Variants in GOLGA4 observed in about 807,000 individuals in gnomAD.
The protein encoded by GOLGA4 is golgin A4.
In GOLGA4, 169 loss-of-function variants were observed where a neutral mutation model predicts 265.9. That is an observed-to-expected ratio of 0.64 (90% CI 0.56 to 0.72). GOLGA4 has a LOEUF of 0.72. Ranked by LOEUF, GOLGA4 falls within the 30% of genes least tolerant of loss-of-function variation. GOLGA4 has a pLI of 0.00. For synonymous variants in GOLGA4, 923 were observed against 855.8 expected (o/e 1.08, Z -1.37); for missense variants, 2,482 against 2,483.4 (o/e 1.00, Z 0.01).
At chr3:37,298,248 A>G (rs761442597) in intron 7 of GOLGA4, among the ~76,000 whole-genome samples, 5 of 152,108 alleles carry the variant, frequency 3.3e-5, no homozygotes, top group Non-Finnish European at 7.4e-5. Flanking sequence ...CCAAGCATTC[A>G]CGGATCCGAG....
At chr3:37,254,059 A>G (rs2150609943) in intron 2 of GOLGA4, among the ~76,000 whole-genome samples, 1 of 152,144 alleles carries the variant, frequency 6.6e-6, no homozygotes, top group Non-Finnish European at 1.5e-5. Context: ...ATTCTGCACT[A>G]TTTTCAGTGT....
At chr3:37,294,299 A>G (rs988415771) in intron 5 of GOLGA4, among the ~76,000 whole-genome samples, 5 of 152,110 alleles carry the variant, frequency 3.3e-5, no homozygotes, top group African/African-American at 1.2e-4. Flanking sequence ...TCTGTTTGGT[A>G]TATAATAATT....
chr3:37,281,283 C>G (rs1312245653), intron 2 of GOLGA4, among the ~76,000 whole-genome samples: 8 of 152,216 alleles, frequency 5.3e-5, no homozygotes, highest in African/African-American at 1.9e-4. Context: ...TCAGACCTTT[C>G]AACTGTCCTC....
At chr3:37,265,117 TTGTGTGTGTGTGTG>T (rs35252934) in intron 2 of GOLGA4, among the ~76,000 whole-genome samples, 6 of 147,550 alleles carry the variant, frequency 4.1e-5, no homozygotes, top group African/African-American at 1.2e-4. Context: ...CATGCTCATA[TTGTGTGTGTGTGTG>T]TGTGTGTGTG....
chr3:37,266,928 GA>G (rs1422455102), intron 2 of GOLGA4: 1 of 1,278,470 alleles, frequency 7.8e-7, no homozygotes, highest in Non-Finnish European at 1.0e-6. Flanking sequence ...CTAAAACACA[GA>G]GTGACAGTGT....
rs778098889 is a variant in GOLGA4 at position 37,298,817 on chromosome 3, G to T, written c.815-16G>T. On this transcript the variant is annotated splice_polypyrimidine_tract_variant and intron_variant, in intron 7 of 23. Coordinates refer to ENST00000361924, the MANE Select transcript of GOLGA4 (RefSeq NM_002078.5). The stretch of plus-strand genomic sequence containing the variant: ...TTCCTTACTGATGGGCCCTTCTTAT[G>T]TTGCTTTATTGTTAGTGGAAGATGG... 3.8e-6 allele frequency: 6 copies of T among 1,575,286 alleles called. No homozygotes were observed. Among genetic ancestry groups the T allele is most frequent in the Admixed American group, 3.7e-5 (2 of 53,720 alleles).
intron 3 of GOLGA4, among the ~76,000 whole-genome samples, chr3:37,285,173 T>A (rs62666760): frequency 3.9e-4 from 29 of 73,644 alleles, no homozygotes; most frequent in South Asian, 2.8e-3. Context: ...TTTTTTTTTT[T>A]AAATTATAAT....
In GOLGA4 at chr3:37,325,696, A is replaced by G; in HGVS notation, c.3810A>G (p.Thr1270=). The G allele has an allele frequency of 6.2e-7, 1 of 1,613,790 alleles. No individual in the cohort carries two copies. Among genetic ancestry groups the G allele is most frequent in the Non-Finnish European group, 8.5e-7 (1 of 1,179,652 alleles). Residue 1270 remains threonine (T), a synonymous_variant, in exon 14 of 24, where the codon ACA becomes ACG. Coordinates refer to ENST00000361924, the MANE Select transcript of GOLGA4 (RefSeq NM_002078.5). ...AGGCACTGTTAATTAAAACTTGCAC[A>G]GTTTCTGAATTAGAAGCACAACTTA... The part of the protein sequence containing the change: ...VKEALLIKTC[T]VSELEAQLRQ...
intron 20 of GOLGA4, among the ~76,000 whole-genome samples, chr3:37,340,557 T>C (rs1199509879): frequency 6.6e-6 from 1 of 152,192 alleles, no homozygotes; most frequent in African/African-American, 2.4e-5. Flanking sequence ...ACAATAGATC[T>C]CTTGAACTTA....
chr3:37,262,891 A>G (rs2096773769), intron 2 of GOLGA4, among the ~76,000 whole-genome samples: 1 of 152,122 alleles, frequency 6.6e-6, no homozygotes, highest in South Asian at 2.1e-4. Flanking sequence ...CCATAAGATT[A>G]TAATGGAGTT....
At chr3:37,301,571 G>A (rs775318253) in intron 9 of GOLGA4, among the ~76,000 whole-genome samples, 1 of 152,172 alleles carries the variant, frequency 6.6e-6, no homozygotes, top group Non-Finnish European at 1.5e-5. Flanking sequence ...AAGACAGATA[G>A]CACATTTGTA....
intron 6 of GOLGA4, among the ~76,000 whole-genome samples, chr3:37,295,290 T>C (rs2096875207): frequency 6.6e-6 from 1 of 152,178 alleles, no homozygotes; most frequent in Non-Finnish European, 1.5e-5. Flanking sequence ...TGATCATAGC[T>C]TAACTGCAAT....
intron 1 of GOLGA4, among the ~76,000 whole-genome samples, chr3:37,246,915 A>T (rs61283571): frequency 6.3e-4 from 96 of 152,296 alleles, no homozygotes; most frequent in African/African-American, 2.0e-3. Flanking sequence ...TGTGATATAA[A>T]TTTAAAAAAT....
At chr3:37,346,564 T>G (rs2097057023) in intron 20 of GOLGA4, among the ~76,000 whole-genome samples, 1 of 148,296 alleles carries the variant, frequency 6.7e-6, no homozygotes, top group South Asian at 2.1e-4. Context: ...TATTCTCTTG[T>G]TGGTGGGCAT....
At position 37,347,175 on chromosome 3, in the gene GOLGA4, T is replaced by A; in HGVS notation, c.6473-18T>A. The A allele has an allele frequency of 6.8e-7, 1 of 1,476,604 alleles. No individual in the cohort carries two copies. Among genetic ancestry groups the A allele is most frequent in the Non-Finnish European group, 9.5e-7 (1 of 1,056,266 alleles). 91.5% of individuals were successfully genotyped at this position (1,476,604 alleles called of 1,614,324 possible). ...CTGGTTTTGTCTTTACAGTTTGATC[T>A]ATTTTTTTATTTGGCAGGTGGCAAT... On this transcript the variant is annotated intron_variant, in intron 20 of 23. Transcript: ENST00000361924.
At chr3:37,296,256 T>A in intron 7 of GOLGA4, 37 bp downstream of exon 7, 1 of 1,606,606 alleles carries the variant, frequency 6.2e-7, no homozygotes, top group Non-Finnish European at 8.5e-7. Flanking sequence ...ATTTAAAAAC[T>A]AGAGGAGAGC....
intron 4 of GOLGA4, 129 bp from the exon 5 acceptor site, chr3:37,289,106 C>A: frequency 1.7e-6 from 1 of 578,718 alleles, no homozygotes. Flanking sequence ...TAGGCTTGTC[C>A]TCTATCTTCA....
rs187457366 is a variant in GOLGA4, at chr3:37,266,886, T to C, written c.163-15072T>C. 1,688 of 1,288,918 alleles carry C rather than the reference T, an allele frequency of 1.3e-3. 29 individuals are homozygous for C. In the South Asian group the frequency reaches 0.019, roughly 15 times the overall value. 79.8% of individuals were successfully genotyped at this position (1,288,918 alleles called of 1,614,324 possible). On this transcript the variant is annotated intron_variant, in intron 2 of 23. Coordinates refer to ENST00000361924, the MANE Select transcript of GOLGA4 (RefSeq NM_002078.5). ...CAGAGCCTGCTTTTCTCTCTGAGTA[T>C]ACTATCTTTGCTTTGGATTCCTCCA...
chr3:37,326,439 C>G lies in GOLGA4; in HGVS notation c.4553C>G (p.Thr1518Arg). The change falls in exon 14 of 24, where the codon ACA becomes AGA. Residue 1518 changes from threonine (T) to arginine (R), a missense_variant. Physicochemically the swap from Thr to Arg is moderately conservative, Grantham distance 71. Transcript: ENST00000361924. ...GAGAAAAAGGAGTCTAATTTAGAAA[C>G]AGAGTTAAAGTCTCAAACAGCAAGA... The part of the protein sequence containing the change: ...KMEKKESNLE[T>R]ELKSQTARIM... 6.2e-7 allele frequency: 1 copy of G among 1,612,162 alleles called. No homozygotes were observed. The highest frequency in any genetic ancestry group is 1.1e-5 in the South Asian group (1 of 90,856).
Sources: gnomAD v4.1 joint callset for allele counts (sites outside exome capture counted in the v4.1 genomes callset) on GRCh38, gnomAD v4.1.1 for gene constraint, MANE v1.5 for transcripts, NCBI Gene and HGNC (gene_info 2026-07-23, HGNC 2026-07-21) for gene names.